The following RHOT1 variants were observed in gnomAD, a reference collection of about 807,000 sequenced individuals.
RHOT1 encodes the protein ras homolog family member T1.
RHOT1 carries 27 observed loss-of-function variants against 95.3 expected under a neutral mutation model. The observed-to-expected ratio is 0.28, with a 90% CI of 0.21 to 0.39. The LOEUF (loss-of-function observed/expected upper bound fraction) is 0.39, where lower values mean the gene tolerates loss of function less well. Among genes scored for constraint, RHOT1 ranks in the 10% least tolerant of loss-of-function variants. The pLI is 1.00. For missense variants in RHOT1, 578 were observed against 786.7 expected (o/e 0.73, Z 3.17); for synonymous variants, 227 against 263.5 (o/e 0.86, Z 1.34).
At chr17:32,224,543 G>A in intron 19 of RHOT1, 73 bp from the exon 20 acceptor site, 1 of 1,020,592 alleles carries the variant, frequency 9.8e-7, no homozygotes, top group East Asian at 2.6e-5. Flanking sequence ...CCTAAAAGTA[G>A]ACTGCTAAAT....
intron 1 of RHOT1, among the ~76,000 whole-genome samples, chr17:32,163,173 A>G (rs962142795): frequency 1.3e-5 from 2 of 152,220 alleles, no homozygotes; most frequent in Non-Finnish European, 2.9e-5. Context: ...AAATGAAAAG[A>G]GCATGTAAGA....
chr17:32,153,446 G>A lies in RHOT1; in HGVS notation c.37+10717G>A, dbSNP rs2142388747. On this transcript the variant is annotated intron_variant, in intron 1 of 19. Transcript: ENST00000545287. ...GGCCAATGCAGGAGGATAGCTTGAG[G>A]CTAGAAGTTTGAGACCAGTCTGGGG... Among the ~76,000 whole-genome samples, 4 of 152,222 alleles carry A rather than the reference G, an allele frequency of 2.6e-5. No homozygotes were observed. In the South Asian group the frequency reaches 8.3e-4, roughly 32 times the overall value.
At chr17:32,221,705 A>G (rs1345947311) in intron 19 of RHOT1, among the ~76,000 whole-genome samples, 1 of 152,244 alleles carries the variant, frequency 6.6e-6, no homozygotes, top group Admixed American at 6.5e-5. Flanking sequence ...TTATAAGTTA[A>G]TAGTTACCTT....
At chr17:32,208,723 A>G (rs905012110) in intron 18 of RHOT1, 5 of 160,348 alleles carry the variant, frequency 3.1e-5, no homozygotes, top group Admixed American at 3.0e-4. Context: ...ATATTTTATT[A>G]ATTTATGTTG....
In RHOT1 at chr17:32,176,173, T is replaced by C; in HGVS notation, c.289T>C (p.Trp97Arg). ...ATTTTCATTTTAGGTAACAAGTCGA[T>C]GGATTCCTCTCATAAATGAAAGAAC... is the stretch of plus-strand genomic sequence containing the variant. ...KHSIDKVTSR[W>R]IPLINERTDK... is the part of the protein sequence containing the mutation. Residue 97 changes from tryptophan (W) to arginine (R), a missense_variant, in exon 6 of 20, where the codon TGG becomes CGG. This residue lies in a region of RHOT1 where 227 missense variants were observed against 316.0 expected (regional missense o/e 0.72). Transcript: ENST00000545287. 1 of 1,611,772 alleles carries C rather than the reference T, an allele frequency of 6.2e-7. No homozygotes were observed. Among genetic ancestry groups the C allele is most frequent in the Non-Finnish European group, 8.5e-7 (1 of 1,179,368 alleles).
intron 1 of RHOT1, chr17:32,150,687 GA>G: frequency 1.2e-6 from 2 of 1,600,160 alleles, no homozygotes; most frequent in Non-Finnish European, 1.7e-6. Context: ...ACAGTTCTAT[GA>G]TTTGGGATAT....
chr17:32,198,418 A>G (rs1401181345), intron 11 of RHOT1, among the ~76,000 whole-genome samples: 1 of 152,158 alleles, frequency 6.6e-6, no homozygotes, highest in Non-Finnish European at 1.5e-5. Context: ...TCTGATATTT[A>G]AGAAAATGGG....
intron 8 of RHOT1, among the ~76,000 whole-genome samples, chr17:32,185,954 C>G (rs958365238): frequency 5.9e-5 from 9 of 152,090 alleles, no homozygotes; most frequent in African/African-American, 1.4e-4. Context: ...ACTCCTGGCT[C>G]AAGCAATTCT....
At chr17:32,219,680 T>C (rs2038706359) in intron 19 of RHOT1, among the ~76,000 whole-genome samples, 1 of 152,200 alleles carries the variant, frequency 6.6e-6, no homozygotes, top group African/African-American at 2.4e-5. Flanking sequence ...GGTTGGCTCC[T>C]ACACCTGTGT....
chr17:32,200,887 A>C (rs2037264787), intron 13 of RHOT1, 69 bp from the exon 14 acceptor site: 1 of 1,149,796 alleles, frequency 8.7e-7, no homozygotes, highest in Non-Finnish European at 1.3e-6. Context: ...TTTTTTAGCT[A>C]TTGGCTTTTT....
chr17:32,192,328 G>C, intron 9 of RHOT1, 29 bp downstream of exon 9: 1 of 936,982 alleles, frequency 1.1e-6, no homozygotes, highest in South Asian at 1.5e-5. Context: ...AGACATTTGC[G>C]TATCTTTTTT....
chr17:32,150,811 C>T (rs2032184805), intron 1 of RHOT1: 1 of 1,541,256 alleles, frequency 6.5e-7, no homozygotes, highest in Non-Finnish European at 8.8e-7. Context: ...GTTCCATGCC[C>T]AATTGGAAGG....
intron 1 of RHOT1, among the ~76,000 whole-genome samples, chr17:32,150,243 C>T (rs1352078031): frequency 6.6e-6 from 1 of 152,152 alleles, no homozygotes; most frequent in Non-Finnish European, 1.5e-5. Flanking sequence ...TGTTATTTCA[C>T]TGCTCTTCCA....
At chr17:32,222,544 G>A (rs1343225336) in intron 19 of RHOT1, among the ~76,000 whole-genome samples, 2 of 152,046 alleles carry the variant, frequency 1.3e-5, no homozygotes, top group African/African-American at 4.8e-5. Flanking sequence ...GTGTGTGTGT[G>A]TGTTTGTTAA....
Position 32,225,316 on chromosome 17 carries a change from C to T in RHOT1, c.*583C>T, listed in dbSNP as rs1362821646. 2.0e-5 allele frequency: 3 copies of T among 152,592 alleles called. No homozygotes were observed. Among genetic ancestry groups the T allele is most frequent in the Non-Finnish European group, 4.4e-5 (3 of 68,048 alleles). The allele number at this position is 152,592 out of a possible 1,614,324, so 9.5% of individuals were successfully genotyped here. ...TCGCACAGTCTAGAAACTTGTGTAG[C>T]TGAGTGTGCAGCTCACCTTTAAGGG... On this transcript the variant is annotated 3_prime_UTR_variant, in exon 20 of 20. Transcript: ENST00000545287.
chr17:32,143,839 C>G (rs905631728), intron 1 of RHOT1, among the ~76,000 whole-genome samples: 2 of 152,202 alleles, frequency 1.3e-5, no homozygotes, highest in Non-Finnish European at 2.9e-5. Context: ...TTCTTGGTAA[C>G]CCCTCAGGGT....
intron 10 of RHOT1, 78 bp from the exon 11 acceptor site, chr17:32,193,909 C>T: frequency 1.3e-6 from 2 of 1,530,916 alleles, no homozygotes; most frequent in Non-Finnish European, 8.8e-7. Context: ...GTTCATGAAT[C>T]TGGTTCTTGC....
intron 19 of RHOT1, among the ~76,000 whole-genome samples, chr17:32,213,703 C>A (rs1263069437): frequency 6.6e-6 from 1 of 152,102 alleles, no homozygotes; most frequent in Non-Finnish European, 1.5e-5. Flanking sequence ...GATCACAAAC[C>A]ACCTATTTTA....
intron 11 of RHOT1, among the ~76,000 whole-genome samples, chr17:32,198,466 A>G (rs1478118317): frequency 6.6e-6 from 1 of 152,192 alleles, no homozygotes; most frequent in Admixed American, 6.5e-5. Flanking sequence ...CCCAACACTT[A>G]CTGGGAAGCC....
Sources: gnomAD v4.1 joint callset for allele counts (sites outside exome capture counted in the v4.1 genomes callset) on GRCh38, gnomAD v4.1.1 for gene constraint, gnomAD v4.1.1 regional missense constraint, MANE v1.5 for transcripts, NCBI Gene and HGNC (gene_info 2026-07-23, HGNC 2026-07-21) for gene names.